The following CCDC186 variants were observed in gnomAD, a reference collection of about 807,000 sequenced individuals.
CCDC186 encodes coiled-coil domain containing 186.
A neutral mutation model predicts 113.7 loss-of-function variants in CCDC186; 49 were observed. The ratio of observed to expected loss-of-function variants is 0.43; its 90% CI spans 0.34 to 0.55. The LOEUF (loss-of-function observed/expected upper bound fraction) is 0.55, where lower values mean the gene tolerates loss of function less well. Among genes scored for constraint, CCDC186 ranks in the 20% least tolerant of loss-of-function variants. The probability of loss-of-function intolerance (pLI) is 0.02; values close to 1 mark genes in which losing one functional copy is unlikely to be tolerated. For synonymous variants in CCDC186, 355 were observed against 345.8 expected (o/e 1.03, Z -0.30); for missense variants, 890 against 1,011.1 (o/e 0.88, Z 1.62).
rs570357270 is a variant in CCDC186 at position 114,137,629 on chromosome 10, G to A, written c.1222-339C>T. Among the ~76,000 whole-genome samples, 25 of 152,210 alleles carry A rather than the reference G, an allele frequency of 1.6e-4. No homozygotes were observed. The East Asian group carries it at 2.3e-3, about 14-fold the overall frequency. On this transcript the variant is annotated intron_variant, in intron 6 of 15. Transcript: ENST00000369287. ...ATTTAAAACCGTCTTTTGGCCGGAC[G>A]TGGTGGCTCACGCCTGTAATTCCAG...
intron 10 of CCDC186, among the ~76,000 whole-genome samples, chr10:114,133,291 GA>G (rs2031150808): frequency 6.6e-6 from 1 of 152,260 alleles, no homozygotes. Context: ...GGGAAGGAAA[GA>G]AGAGCTGAGG....
chr10:114,171,321 A>G (rs1398120010), intron 1 of CCDC186, among the ~76,000 whole-genome samples: 1 of 152,038 alleles, frequency 6.6e-6, no homozygotes, highest in African/African-American at 2.4e-5. Flanking sequence ...GGATCAAATG[A>G]GGCCAGGAAT....
chr10:114,139,788 G>A (rs2031408483), intron 6 of CCDC186, among the ~76,000 whole-genome samples: 1 of 151,836 alleles, frequency 6.6e-6, no homozygotes, highest in Non-Finnish European at 1.5e-5. Flanking sequence ...GGACAGGGAG[G>A]GAGAAAAAGA....
intron 1 of CCDC186, among the ~76,000 whole-genome samples, chr10:114,169,226 G>GTACCAT (rs2032418896): frequency 7.2e-6 from 1 of 139,080 alleles, no homozygotes; most frequent in Admixed American, 7.2e-5. Context: ...ATAAACTGTA[G>GTACCAT]TACCATTCTT....
intron 4 of CCDC186, among the ~76,000 whole-genome samples, chr10:114,147,234 A>G (rs2119781853): frequency 6.6e-6 from 1 of 152,346 alleles, no homozygotes; most frequent in Non-Finnish European, 1.5e-5. Flanking sequence ...GAAACAAAGT[A>G]GCAGTTGTGG....
chr10:114,153,075 A>G (rs1425805979), intron 3 of CCDC186, among the ~76,000 whole-genome samples: 1 of 152,240 alleles, frequency 6.6e-6, no homozygotes, highest in Non-Finnish European at 1.5e-5. Context: ...GCAGAAAATT[A>G]ACACAGAAAT....
In CCDC186 at chr10:114,137,793, T is replaced by C. The variant is rs2031313911; in HGVS notation, c.1222-503A>G. On this transcript the variant is annotated intron_variant, in intron 6 of 15. Coordinates refer to ENST00000369287, the MANE Select transcript of CCDC186 (RefSeq NM_018017.4). The stretch of plus-strand genomic sequence containing the variant: ...GGCTCATGCCTGTAATCCCAGCACT[T>C]TGGGGGGCTGAGGTGGGCAGATCAT... Among the ~76,000 whole-genome samples the C allele has an allele frequency of 2.0e-5, 3 of 151,746 alleles. No individual in the cohort carries two copies. The South Asian group carries it at 6.3e-4, about 32-fold the overall frequency.
chr10:114,165,177 A>C (rs1012142293), intron 1 of CCDC186, among the ~76,000 whole-genome samples: 1 of 152,236 alleles, frequency 6.6e-6, no homozygotes, highest in African/African-American at 2.4e-5. Context: ...CTGTATAAAT[A>C]TGTTTCCAAA....
chr10:114,147,993 G>T (rs1250732748), intron 4 of CCDC186, among the ~76,000 whole-genome samples: 2 of 152,026 alleles, frequency 1.3e-5, no homozygotes. Flanking sequence ...AAATTAGCTG[G>T]GCATGGTGGT....
At chr10:114,155,679 GATAAA>G (rs771439823) in intron 3 of CCDC186, among the ~76,000 whole-genome samples, 12 of 150,994 alleles carry the variant, frequency 7.9e-5, no homozygotes, top group East Asian at 1.9e-4. Context: ...CCATCTCAAA[GATAAA>G]ATAAAATAAA....
At chr10:114,134,183 C>T (rs1238668225) in intron 10 of CCDC186, among the ~76,000 whole-genome samples, 1 of 152,090 alleles carries the variant, frequency 6.6e-6, no homozygotes, top group East Asian at 1.9e-4. Flanking sequence ...CCTGACAGCT[C>T]CCATTTTTTC....
intron 6 of CCDC186, among the ~76,000 whole-genome samples, chr10:114,141,091 C>T (rs936865657): frequency 1.3e-5 from 2 of 151,290 alleles, no homozygotes; most frequent in African/African-American, 2.4e-5. Flanking sequence ...ATGGGGACCT[C>T]GCTATGTTGC....
chr10:114,125,584 A>G (rs1273466964), intron 15 of CCDC186, among the ~76,000 whole-genome samples: 1 of 152,234 alleles, frequency 6.6e-6, no homozygotes, highest in East Asian at 1.9e-4. Flanking sequence ...ATAAATCAGA[A>G]ATGTCATAAT....
intron 1 of CCDC186, among the ~76,000 whole-genome samples, chr10:114,165,516 AC>A (rs1400605601): frequency 6.6e-6 from 1 of 152,128 alleles, no homozygotes; most frequent in African/African-American, 2.4e-5. Context: ...AGACGACGAA[AC>A]CCTGTCTCTA....
At chr10:114,147,249 T>C (rs141846704) in intron 4 of CCDC186, among the ~76,000 whole-genome samples, 8 of 152,328 alleles carry the variant, frequency 5.3e-5, no homozygotes, top group African/African-American at 1.9e-4. Flanking sequence ...TTGTGGCCTC[T>C]GAAAGAGCTC....
chr10:114,167,799 T>TAAAA (rs60257583), intron 1 of CCDC186, among the ~76,000 whole-genome samples: 7 of 71,290 alleles, frequency 9.8e-5, no homozygotes, highest in Non-Finnish European at 1.5e-4. Flanking sequence ...CTAATCTCCG[T>TAAAA]AAAAAAAAAA....
At chr10:114,171,256 C>A (rs1414685424) in intron 1 of CCDC186, among the ~76,000 whole-genome samples, 1 of 152,026 alleles carries the variant, frequency 6.6e-6, no homozygotes, top group Admixed American at 6.5e-5. Flanking sequence ...CTCAGGCCTT[C>A]CTTTACAGGT....
At chr10:114,164,714 C>T (rs886239642) in intron 1 of CCDC186, among the ~76,000 whole-genome samples, 1 of 152,112 alleles carries the variant, frequency 6.6e-6, no homozygotes, top group Non-Finnish European at 1.5e-5. Flanking sequence ...CTAGTTTATA[C>T]ATGAGATATA....
chr10:114,150,649 T>A (rs1169515969), intron 4 of CCDC186, among the ~76,000 whole-genome samples: 1 of 152,180 alleles, frequency 6.6e-6, no homozygotes, highest in Non-Finnish European at 1.5e-5. Context: ...GAATTTTTAA[T>A]GACTTACTAT....
Sources: gnomAD v4.1 joint callset for allele counts (sites outside exome capture counted in the v4.1 genomes callset) on GRCh38, gnomAD v4.1.1 for gene constraint, MANE v1.5 for transcripts, NCBI Gene and HGNC (gene_info 2026-07-23, HGNC 2026-07-21) for gene names.